Variants in SNX5 observed in about 807,000 individuals in gnomAD.
SNX5 encodes the protein sorting nexin-5.
SNX5 carries 31 observed loss-of-function variants against 53.9 expected under a neutral mutation model. The observed-to-expected ratio is 0.58, with a 90% CI of 0.43 to 0.78. The LOEUF (loss-of-function observed/expected upper bound fraction) is 0.78. Among genes scored for constraint, SNX5 ranks in the 30% least tolerant of loss-of-function variants. The probability of loss-of-function intolerance (pLI) is 0.00; values close to 1 mark genes in which losing one functional copy is unlikely to be tolerated. For synonymous variants in SNX5, 168 were observed against 171.1 expected, an observed-to-expected ratio of 0.98 and a Z score of 0.14; for missense variants, 471 against 478.8, an observed-to-expected ratio of 0.98 and a Z score of 0.15.
intron 1 of SNX5, among the ~76,000 whole-genome samples, chr20:17,965,229 C>T (rs979163104): frequency 6.6e-6 from 1 of 152,062 alleles, no homozygotes; most frequent in African/African-American, 2.4e-5. Context: ...GGGAGGAGGC[C>T]GCGTCCTAGC....
rs1600367635 is a variant in SNX5 at position 17,968,431 on chromosome 20, C to A, written c.-6G>T. The A allele has an allele frequency of 1.6e-6, 2 of 1,287,682 alleles. No individual in the cohort carries two copies. The highest frequency in any genetic ancestry group is 3.1e-5 in the East Asian group (1 of 32,006). The allele number at this position is 1,287,682 out of a possible 1,614,324, so 79.8% of individuals were successfully genotyped here. A position where few individuals can be genotyped will look rare whatever the true frequency, so the allele number is the denominator to read the frequency against. On this transcript the variant is annotated 5_prime_UTR_variant, in exon 1 of 13. Coordinates refer to ENST00000377759, the MANE Select transcript of SNX5 (RefSeq NM_014426.4). ...AACTCGGGAACCGCGGCCATGGCGACGCGGGACTCGAGCAGGGGCCGCCTG... is the reference window on the plus strand; with the variant it reads ...AACTCGGGAACCGCGGCCATGGCGAAGCGGGACTCGAGCAGGGGCCGCCTG...
intron 10 of SNX5, 116 bp downstream of exon 10, chr20:17,948,774 G>A (rs2039522289): frequency 1.3e-6 from 1 of 799,436 alleles, no homozygotes; most frequent in Non-Finnish European, 2.1e-6. Flanking sequence ...AGAAAGGCAT[G>A]TCATTTATAA....
At chr20:17,964,546 A>AG (rs2035507552) in intron 1 of SNX5, among the ~76,000 whole-genome samples, 2 of 152,316 alleles carry the variant, frequency 1.3e-5, no homozygotes, top group African/African-American at 4.8e-5. Flanking sequence ...CTCAATGGCC[A>AG]ATCAGAAAAC....
chr20:17,968,232 G>A, intron 1 of SNX5, 143 bp downstream of exon 1: 1 of 583,562 alleles, frequency 1.7e-6, no homozygotes. Flanking sequence ...CAGGGAGAGG[G>A]GCCGCCCGGG....
chr20:17,967,389 T>G (rs1406840367), intron 1 of SNX5, among the ~76,000 whole-genome samples: 1 of 152,148 alleles, frequency 6.6e-6, no homozygotes, highest in African/African-American at 2.4e-5. Context: ...TAGAAAGCTC[T>G]ATTTTAATAA....
chr20:17,959,397 T>C (rs1338083646), intron 1 of SNX5, among the ~76,000 whole-genome samples: 1 of 152,172 alleles, frequency 6.6e-6, no homozygotes, highest in East Asian at 1.9e-4. Context: ...CAGAATGTGA[T>C]GAAGACAAAA....
intron 11 of SNX5, chr20:17,945,052 T>TCC (rs1431607219): frequency 1.3e-5 from 2 of 152,222 alleles, no homozygotes; most frequent in Admixed American, 1.3e-4. Flanking sequence ...AGACTCACCC[T>TCC]CCTTCCTGTC....
Position 17,968,442 on chromosome 20 carries a change from A to G in SNX5, c.-17T>C. On this transcript the variant is annotated 5_prime_UTR_variant, in exon 1 of 13. Transcript: ENST00000377759. ...CGCGGCCATGGCGACGCGGGACTCG[A>G]GCAGGGGCCGCCTGGCTGTGCGAGG... is the stretch of plus-strand genomic sequence containing the variant. 7.8e-7 allele frequency: 1 copy of G among 1,289,486 alleles called. No individual in the cohort carries two copies. The highest frequency in any genetic ancestry group is 9.8e-7 in the Non-Finnish European group (1 of 1,016,132). The allele number at this position is 1,289,486 out of a possible 1,614,324, so 79.9% of individuals were successfully genotyped here.
chr20:17,950,272 A>G lies in SNX5; in HGVS notation c.715+19T>C. The G allele has an allele frequency of 1.9e-6, 3 of 1,609,562 alleles. No individual in the cohort carries two copies. Among genetic ancestry groups the G allele is most frequent in the Non-Finnish European group, 2.6e-6 (3 of 1,175,912 alleles). On this transcript the variant is annotated intron_variant, in intron 7 of 12. Coordinates refer to ENST00000377759, the MANE Select transcript of SNX5 (RefSeq NM_014426.4). The stretch of plus-strand genomic sequence containing the variant: ...CAGGCTCATCAGCAAAGCTCTGACT[A>G]GCGGTAAATGATATTTACTTTTATG...
intron 2 of SNX5, 74 bp from the exon 3 acceptor site, chr20:17,955,549 G>A: frequency 1.0e-6 from 1 of 1,002,104 alleles, no homozygotes; most frequent in Non-Finnish European, 1.6e-6. Flanking sequence ...AGGCTACACA[G>A]TGGGAAAATT....
chr20:17,956,878 T>G (rs373677948), intron 2 of SNX5, 55 bp downstream of exon 2: 2 of 899,760 alleles, frequency 2.2e-6, no homozygotes, highest in East Asian at 2.4e-5. Flanking sequence ...ACATCCACTG[T>G]GAATAACAAG....
chr20:17,964,572 A>G (rs1264376359), intron 1 of SNX5, among the ~76,000 whole-genome samples: 3 of 152,230 alleles, frequency 2.0e-5, no homozygotes, highest in African/African-American at 7.2e-5. Flanking sequence ...TTAAGGGTGA[A>G]GAAGCCACTT....
At chr20:17,949,213 A>C in intron 8 of SNX5, 110 bp from the exon 9 acceptor site, 1 of 854,656 alleles carries the variant, frequency 1.2e-6, no homozygotes, top group Non-Finnish European at 1.9e-6. Context: ...AGCCTTTGGT[A>C]CTTTAGCATT....
intron 10 of SNX5, 117 bp downstream of exon 10, chr20:17,948,773 T>A: frequency 1.3e-6 from 1 of 784,384 alleles, no homozygotes; most frequent in Non-Finnish European, 2.1e-6. Flanking sequence ...CAGAAAGGCA[T>A]GTCATTTATA....
At chr20:17,956,862 CTT>C (rs1431165671) in intron 2 of SNX5, 69 bp downstream of exon 2, 4 of 825,194 alleles carry the variant, frequency 4.8e-6, no homozygotes, top group Non-Finnish European at 8.6e-6. Context: ...CAGGGAATCT[CTT>C]CTCACATCCA....
At chr20:17,968,191 G>A (rs922451335) in intron 1 of SNX5, 184 bp downstream of exon 1, 14 of 417,836 alleles carry the variant, frequency 3.4e-5, no homozygotes, top group Admixed American at 1.8e-4. Context: ...GACATCCACA[G>A]GGATTCCCCG....
chr20:17,946,769 T>C (rs2039492987), intron 11 of SNX5, among the ~76,000 whole-genome samples: 3 of 152,166 alleles, frequency 2.0e-5, no homozygotes. Flanking sequence ...TGGTCTTAAA[T>C]TGCCTCACCA....
In SNX5 at chr20:17,949,346, G is replaced by A. The variant is rs76055987; in HGVS notation, c.792-243C>T. ...TGACCCTTCGGTCATCCTGCCATGC[G>A]CCCAAATATTCTTATTAAATGCCAA... is the stretch of plus-strand genomic sequence containing the variant. On this transcript the variant is annotated intron_variant, in intron 8 of 12. Coordinates refer to ENST00000377759, the MANE Select transcript of SNX5 (RefSeq NM_014426.4). Among the ~76,000 whole-genome samples, 1,460 of 152,254 alleles carry A rather than the reference G, an allele frequency of 9.6e-3. 17 individuals are homozygous for A. Among genetic ancestry groups the A allele is most frequent in the African/African-American group, 0.033 (1,375 of 41,534 alleles).
At chr20:17,944,144 C>T (rs2039454085) in intron 11 of SNX5, 1 of 152,070 alleles carries the variant, frequency 6.6e-6, no homozygotes, top group Non-Finnish European at 1.5e-5. Context: ...AAGTTGAACT[C>T]CTAGAAGTAG....
Sources: gnomAD v4.1 joint callset for allele counts (sites outside exome capture counted in the v4.1 genomes callset) on GRCh38, gnomAD v4.1.1 for gene constraint, MANE v1.5 for transcripts, NCBI Gene and HGNC (gene_info 2026-07-23, HGNC 2026-07-21) for gene names.